Variants in ESYT2 observed in about 807,000 individuals in gnomAD.
The protein encoded by ESYT2 is extended synaptotagmin 2.
Under a neutral mutation model 107.2 loss-of-function variants are expected in ESYT2, and 54 were observed. The ratio of observed to expected loss-of-function variants is 0.50; its 90% CI spans 0.40 to 0.63. ESYT2 has a LOEUF of 0.63. ESYT2 is among the 30% of genes least tolerant of loss of function. The probability of loss-of-function intolerance (pLI) is 0.00; values close to 1 mark genes in which losing one functional copy is unlikely to be tolerated. For synonymous variants in ESYT2, 491 were observed against 434.1 expected (o/e 1.13, Z -1.63); for missense variants, 1,020 against 1,094.5 (o/e 0.93, Z 0.96).
At chr7:158,789,555 C>T (rs1310150993) in intron 4 of ESYT2, among the ~76,000 whole-genome samples, 2 of 152,112 alleles carry the variant, frequency 1.3e-5, no homozygotes, top group Non-Finnish European at 2.9e-5. Flanking sequence ...GGGGTTTCAC[C>T]ATGTTGGCCA....
chr7:158,772,689 G>A (rs905464817), intron 7 of ESYT2, among the ~76,000 whole-genome samples: 1 of 152,084 alleles, frequency 6.6e-6, no homozygotes, highest in Non-Finnish European at 1.5e-5. Flanking sequence ...TCTCTAAGCA[G>A]GGATGCACCC....
intron 9 of ESYT2, among the ~76,000 whole-genome samples, 155 bp from the exon 10 acceptor site, chr7:158,763,320 A>T (rs1048775126): frequency 2.6e-5 from 4 of 151,978 alleles, no homozygotes; most frequent in African/African-American, 4.8e-5. Flanking sequence ...CTGGAGATGG[A>T]GTCTCGCTCT....
intron 6 of ESYT2, 28 bp from the exon 7 acceptor site, chr7:158,773,424 A>T: frequency 6.2e-7 from 1 of 1,612,224 alleles, no homozygotes; most frequent in Non-Finnish European, 8.5e-7. Flanking sequence ...CAAAATATTA[A>T]GTTCCAAACA....
chr7:158,747,378 A>T (rs1837440593), intron 16 of ESYT2, among the ~76,000 whole-genome samples: 1 of 152,124 alleles, frequency 6.6e-6, no homozygotes, highest in East Asian at 1.9e-4. Context: ...AAAAACCCCA[A>T]ACGTCTTACA....
chr7:158,809,950 G>T (rs1839948556), intron 1 of ESYT2, among the ~76,000 whole-genome samples: 1 of 152,204 alleles, frequency 6.6e-6, no homozygotes, highest in Non-Finnish European at 1.5e-5. Context: ...CTGGTTCAGG[G>T]ACTGCCCAAT....
chr7:158,779,029 G>A (rs947821054), intron 6 of ESYT2, among the ~76,000 whole-genome samples: 7 of 152,122 alleles, frequency 4.6e-5, no homozygotes, highest in Non-Finnish European at 7.4e-5. Context: ...GATTTTAAAT[G>A]ATAAAAACTG....
chr7:158,808,580 T>C (rs754402510), intron 1 of ESYT2, among the ~76,000 whole-genome samples: 2 of 152,224 alleles, frequency 1.3e-5, no homozygotes, highest in African/African-American at 4.8e-5. Context: ...CTTCCATCTG[T>C]GAAACTGAAG....
rs1836811259 is a variant in ESYT2 at position 158,733,431 on chromosome 7, T to C, written c.*776A>G. Reference sequence around the variant, plus strand: ...TCTGTATACTGTTTCATGAGTAAGTTACAACAGCAATTAAAATAAACATAA... The same window carrying C: ...TCTGTATACTGTTTCATGAGTAAGTCACAACAGCAATTAAAATAAACATAA... On this transcript the variant is annotated 3_prime_UTR_variant, in exon 23 of 23. Coordinates refer to ENST00000275418, the MANE Select transcript of ESYT2 (RefSeq NM_001367773.1). 1 of 152,198 alleles carries C rather than the reference T, an allele frequency of 6.6e-6. No homozygotes were observed. Among genetic ancestry groups the C allele is most frequent in the Non-Finnish European group, 1.5e-5 (1 of 68,042 alleles). The allele number at this position is 152,198 out of a possible 1,614,324, so 9.4% of individuals were successfully genotyped here.
intron 10 of ESYT2, among the ~76,000 whole-genome samples, chr7:158,761,786 G>C (rs764746658): frequency 4.6e-5 from 7 of 152,120 alleles, no homozygotes; most frequent in Admixed American, 6.6e-5. Context: ...GAGTTTCTGT[G>C]AGCTCAGAAT....
At chr7:158,755,913 G>A (rs1450550914) in intron 13 of ESYT2, among the ~76,000 whole-genome samples, 3 of 152,096 alleles carry the variant, frequency 2.0e-5, no homozygotes, top group African/African-American at 7.2e-5. Flanking sequence ...AAACACCTAA[G>A]GTAAATGACG....
intron 1 of ESYT2, among the ~76,000 whole-genome samples, chr7:158,822,377 G>A (rs191885410): frequency 2.6e-4 from 40 of 152,152 alleles, no homozygotes; most frequent in East Asian, 7.7e-4. Context: ...AACAGATTTC[G>A]GTTTTTTATA....
At chr7:158,801,786 T>C (rs755104314) in intron 1 of ESYT2, among the ~76,000 whole-genome samples, 69 of 152,086 alleles carry the variant, frequency 4.5e-4, no homozygotes, top group Non-Finnish European at 7.6e-4. Context: ...AAAATCTCTT[T>C]AATGTTATCT....
chr7:158,742,693 C>T (rs1837257506), intron 17 of ESYT2, among the ~76,000 whole-genome samples: 1 of 152,210 alleles, frequency 6.6e-6, no homozygotes, highest in African/African-American at 2.4e-5. Flanking sequence ...GAGCAGAGTC[C>T]ACACCTTGTA....
In ESYT2 at chr7:158,760,547, C is replaced by T. The variant is rs76327079; in HGVS notation, c.1234-400G>A. Among the ~76,000 whole-genome samples the T allele has an allele frequency of 3.8e-3, 579 of 152,298 alleles. 2 individuals carry two copies. Among genetic ancestry groups the T allele is most frequent in the Non-Finnish European group, 6.9e-3 (472 of 68,034 alleles). ...TAGGGGTCTTGCTGTGTTGCCCAGG[C>T]TGGGCTCAAGCGATCCTCCTGCCTC... On this transcript the variant is annotated intron_variant, in intron 11 of 22. Transcript: ENST00000275418.
At chr7:158,771,944 C>T (rs913146219) in intron 7 of ESYT2, among the ~76,000 whole-genome samples, 2 of 151,870 alleles carry the variant, frequency 1.3e-5, no homozygotes, top group African/African-American at 2.4e-5. Context: ...CATGGCGAAA[C>T]CCCATCTCTA....
intron 3 of ESYT2, among the ~76,000 whole-genome samples, chr7:158,795,110 A>G (rs1162949509): frequency 1.3e-5 from 2 of 152,224 alleles, no homozygotes; most frequent in Non-Finnish European, 2.9e-5. Context: ...CTAATGAAGG[A>G]CAAACACCAG....
At chr7:158,791,080 T>TC (rs1374812257) in intron 4 of ESYT2, among the ~76,000 whole-genome samples, 1 of 151,944 alleles carries the variant, frequency 6.6e-6, no homozygotes, top group Admixed American at 6.6e-5. Context: ...ACGAACACTC[T>TC]CCCCCCATTA....
Position 158,829,096 on chromosome 7 carries a change from G to A in ESYT2, c.323C>T (p.Pro108Leu). 6.3e-7 allele frequency: 1 copy of A among 1,584,252 alleles called. No homozygotes were observed. ...GCAGGGGTCTGCACTCACCCAGGCG[G>A]GCAGGTCGCAGGCGCGCACCCCCAG... Reference protein sequence around the residue: ...VRLGVRACDLPAWVHFPDTER... With the variant: ...VRLGVRACDLLAWVHFPDTER... Residue 108 changes from proline (P) to leucine (L), a missense_variant, in exon 1 of 23, where the codon CCC (proline) becomes CTC (leucine). Pro to Leu is a moderately conservative substitution (Grantham distance 98). Transcript: ENST00000275418.
chr7:158,829,294 C>A lies in ESYT2; in HGVS notation c.125G>T (p.Arg42Leu). 1 of 1,509,582 alleles carries A rather than the reference C, an allele frequency of 6.6e-7. No homozygotes were observed. The highest frequency in any genetic ancestry group is 1.4e-5 in the African/African-American group (1 of 69,378). The allele number at this position is 1,509,582 out of a possible 1,614,324, so 93.5% of individuals were successfully genotyped here. A position where few individuals can be genotyped will look rare whatever the true frequency, so the allele number is the denominator to read the frequency against. ...CACGGGCAGCAGCAGCGCGAAGCTC[C>A]GCGCCAGCTGCGCCAGCAGCCCGGG... ...ELPGLLAQLA[R>L]SFALLLPVYA... The change falls in exon 1 of 23, where the codon CGG (arginine) becomes CTG (leucine). Residue 42 changes from arginine to leucine, a missense_variant. Arg to Leu is a moderately radical substitution (Grantham distance 102). Coordinates refer to ENST00000275418, the MANE Select transcript of ESYT2 (RefSeq NM_001367773.1).
Sources: allele counts gnomAD v4.1 joint callset (sites outside exome capture counted in the v4.1 genomes callset), GRCh38; gene constraint gnomAD v4.1.1; transcripts MANE v1.5; gene names NCBI Gene and HGNC (gene_info 2026-07-23, HGNC 2026-07-21).